Variants in CSTF1 observed in about 807,000 individuals in gnomAD.
CSTF1 encodes the protein cleavage stimulation factor subunit 1, also known as CF-1 50 kDa subunit.
CSTF1 carries 2 observed loss-of-function variants against 40.9 expected under a neutral mutation model. The observed-to-expected ratio is 0.05, with a 90% CI of 0.02 to 0.15. The LOEUF (loss-of-function observed/expected upper bound fraction) is 0.15, where lower values mean the gene tolerates loss of function less well. Among genes scored for constraint, CSTF1 ranks in the 10% least tolerant of loss-of-function variants. The pLI is 1.00. For synonymous variants in CSTF1, 218 were observed against 207.2 expected (o/e 1.05, Z -0.45); for missense variants, 279 against 558.9 (o/e 0.50, Z 5.05).
In CSTF1 at chr20:56,405,182, A is replaced by G; in HGVS notation, c.*1455A>G. On this transcript the variant is annotated 3_prime_UTR_variant, in exon 6 of 6. Transcript: ENST00000217109. Reference sequence around the variant, plus strand: ...GAAGTAAAAGTCATTGCTTTATATTATAGGAAGTTTTGTTTTGTTTTGTTT... The same window carrying G: ...GAAGTAAAAGTCATTGCTTTATATTGTAGGAAGTTTTGTTTTGTTTTGTTT... 6.6e-6 allele frequency: 1 copy of G among 152,030 alleles called. No homozygotes were observed. Among genetic ancestry groups the G allele is most frequent in the Non-Finnish European group, 1.5e-5 (1 of 68,016 alleles). The allele number at this position is 152,030 out of a possible 1,614,324, so 9.4% of individuals were successfully genotyped here. A position where few individuals can be genotyped will look rare whatever the true frequency, so the allele number is the denominator to read the frequency against.
In CSTF1 at chr20:56,403,874, T is replaced by C; in HGVS notation, c.*147T>C. Reference sequence around the variant, plus strand: ...CTTCTTGGATTTGTATAAAAGAATCTTTTTTTACCTTGATGTAGAATCATG... The same window carrying C: ...CTTCTTGGATTTGTATAAAAGAATCCTTTTTTACCTTGATGTAGAATCATG... On this transcript the variant is annotated 3_prime_UTR_variant, in exon 6 of 6. Coordinates refer to ENST00000217109, the MANE Select transcript of CSTF1 (RefSeq NM_001324.3). 1.2e-6 allele frequency: 1 copy of C among 806,356 alleles called. No homozygotes were observed. Among genetic ancestry groups the C allele is most frequent in the South Asian group, 1.8e-5 (1 of 54,656 alleles). The allele number at this position is 806,356 out of a possible 1,614,324, so 50.0% of individuals were successfully genotyped here.
intron 2 of CSTF1, among the ~76,000 whole-genome samples, chr20:56,396,614 T>C (rs1472738951): frequency 6.6e-6 from 1 of 152,174 alleles, no homozygotes; most frequent in East Asian, 1.9e-4. Flanking sequence ...TAACAGTTAT[T>C]ATCTCTGGGT....
chr20:56,395,493 C>T, intron 1 of CSTF1, 28 bp from the exon 2 acceptor site: 1 of 1,500,714 alleles, frequency 6.7e-7, no homozygotes. Context: ...AGCCTGTACC[C>T]TTCACCGTCC....
chr20:56,395,316 T>C (rs548988058), intron 1 of CSTF1, among the ~76,000 whole-genome samples: 4 of 152,348 alleles, frequency 2.6e-5, no homozygotes, highest in African/African-American at 9.6e-5. Flanking sequence ...CTCAGGGCTT[T>C]ATATGCACCA....
chr20:56,398,306 T>C (rs1161173700), intron 4 of CSTF1, among the ~76,000 whole-genome samples: 2 of 152,220 alleles, frequency 1.3e-5, no homozygotes, highest in African/African-American at 2.4e-5. Context: ...CAGTGGCTCA[T>C]GTCTGTAATC....
intron 5 of CSTF1, among the ~76,000 whole-genome samples, chr20:56,401,149 A>G (rs1978433184): frequency 6.6e-6 from 1 of 152,240 alleles, no homozygotes; most frequent in South Asian, 2.1e-4. Context: ...TAAAAACAAT[A>G]TAAATAACAT....
rs1219969089 is a variant in CSTF1, at chr20:56,405,679, T to A, written c.*1952T>A. On this transcript the variant is annotated 3_prime_UTR_variant, in exon 6 of 6. Coordinates refer to ENST00000217109, the MANE Select transcript of CSTF1 (RefSeq NM_001324.3). Reference sequence around the variant, plus strand: ...CATATTTTTTGATGCATATTTCCAGTTGAATTCCAGTGTGAATTTCCAGTT... The same window carrying A: ...CATATTTTTTGATGCATATTTCCAGATGAATTCCAGTGTGAATTTCCAGTT... 1 of 152,266 alleles carries A rather than the reference T, an allele frequency of 6.6e-6. No homozygotes were observed. Among genetic ancestry groups the A allele is most frequent in the Non-Finnish European group, 1.5e-5 (1 of 68,046 alleles). The allele number at this position is 152,266 out of a possible 1,614,324, so 9.4% of individuals were successfully genotyped here.
chr20:56,404,337 A>G lies in CSTF1; in HGVS notation c.*610A>G, dbSNP rs989955901. 1 of 152,250 alleles carries G rather than the reference A, an allele frequency of 6.6e-6. No individual in the cohort carries two copies. The highest frequency in any genetic ancestry group is 1.5e-5 in the Non-Finnish European group (1 of 68,106). 9.4% of individuals were successfully genotyped at this position (152,250 alleles called of 1,614,324 possible). Reference sequence around the variant, plus strand: ...ATTTATAGGAACAGTATCTTTCAACATACTCCCTACATTATCCTTCAATAT... The same window carrying G: ...ATTTATAGGAACAGTATCTTTCAACGTACTCCCTACATTATCCTTCAATAT... On this transcript the variant is annotated 3_prime_UTR_variant, in exon 6 of 6. Coordinates refer to ENST00000217109, the MANE Select transcript of CSTF1 (RefSeq NM_001324.3).
chr20:56,398,813 T>A (rs1978335523), intron 4 of CSTF1, among the ~76,000 whole-genome samples, 154 bp from the exon 5 acceptor site: 1 of 152,226 alleles, frequency 6.6e-6, no homozygotes, highest in Non-Finnish European at 1.5e-5. Flanking sequence ...AATACTTTCA[T>A]ATGTTCCAGA....
intron 1 of CSTF1, among the ~76,000 whole-genome samples, chr20:56,394,318 G>A (rs568881834): frequency 5.3e-4 from 80 of 152,168 alleles, no homozygotes; most frequent in Non-Finnish European, 1.1e-3. Flanking sequence ...AGGCGCAGTG[G>A]CTCGCGCCCG....
At chr20:56,401,807 A>G (rs1349274373) in intron 5 of CSTF1, among the ~76,000 whole-genome samples, 3 of 152,190 alleles carry the variant, frequency 2.0e-5, no homozygotes, top group Non-Finnish European at 4.4e-5. Flanking sequence ...CTTATGGGGT[A>G]GGTTCTGTAA....
At position 56,404,809 on chromosome 20, in the gene CSTF1, C is replaced by G. The variant is rs142136389; in HGVS notation, c.*1082C>G. On this transcript the variant is annotated 3_prime_UTR_variant, in exon 6 of 6. Coordinates refer to ENST00000217109, the MANE Select transcript of CSTF1 (RefSeq NM_001324.3). ...TACAGGCACCCACCACCACGCCCGG[C>G]TAATTTTTTTTTTTTTTTTTTTTTT... is the stretch of plus-strand genomic sequence containing the variant. 4 of 73,990 alleles carry G rather than the reference C, an allele frequency of 5.4e-5. No homozygotes were observed. Among genetic ancestry groups the G allele is most frequent in the Admixed American group, 4.7e-4 (3 of 6,428 alleles). 4.6% of individuals were successfully genotyped at this position (73,990 alleles called of 1,614,324 possible).
chr20:56,395,397 G>A (rs1465866934), intron 1 of CSTF1, 124 bp from the exon 2 acceptor site: 1 of 586,902 alleles, frequency 1.7e-6, no homozygotes, highest in Non-Finnish European at 2.9e-6. Context: ...ACTGACCAAA[G>A]ATAATGCAGC....
At position 56,397,243 on chromosome 20, in the gene CSTF1, T is replaced by C. The variant is rs1348166733; in HGVS notation, c.206T>C (p.Ile69Thr). Residue 69 changes from isoleucine to threonine, a missense_variant, in exon 3 of 6, where the codon ATT becomes ACT. Transcript: ENST00000217109. This position sits in a 1 kb window ranked among gnomAD's most constrained non-coding sequence, Gnocchi z 4.4. ...ENDDTAVQYA[I>T]GRSDTVAPGT... The stretch of plus-strand genomic sequence containing the variant: ...GATGACACCGCAGTTCAGTATGCAA[T>C]TGGTCGTTCAGATACTGTTGCCCCT... The C allele has an allele frequency of 6.2e-7, 1 of 1,614,084 alleles. No individual in the cohort carries two copies. Among genetic ancestry groups the C allele is most frequent in the Non-Finnish European group, 8.5e-7 (1 of 1,180,038 alleles).
rs752969917 is a variant in CSTF1 at position 56,404,101 on chromosome 20, C to G, written c.*374C>G. 40 of 185,822 alleles carry G rather than the reference C, an allele frequency of 2.2e-4. No individual in the cohort carries two copies. The Middle Eastern group carries it at 7.2e-3, about 33-fold the overall frequency. The allele number at this position is 185,822 out of a possible 1,614,324, so 11.5% of individuals were successfully genotyped here. A position where few individuals can be genotyped will look rare whatever the true frequency, so the allele number is the denominator to read the frequency against. Reference sequence around the variant, plus strand: ...ACTTTCTTGCTTATTCTGCTGAACCCTCTGTGTATTTCCCTTCCAGGTATA... The same window carrying G: ...ACTTTCTTGCTTATTCTGCTGAACCGTCTGTGTATTTCCCTTCCAGGTATA... On this transcript the variant is annotated 3_prime_UTR_variant, in exon 6 of 6. Coordinates refer to ENST00000217109, the MANE Select transcript of CSTF1 (RefSeq NM_001324.3).
chr20:56,395,655 A>G lies in CSTF1; in HGVS notation c.103A>G (p.Ile35Val), dbSNP rs1482812009. The change falls in exon 2 of 6, where the codon ATC becomes GTC. Residue 35 changes from isoleucine to valine, a missense_variant. Ile to Val is a conservative substitution (Grantham distance 29, BLOSUM62 3). This residue lies in a region of CSTF1 where 51 missense variants were observed against 55.0 expected (regional missense o/e 0.93). Transcript: ENST00000217109. ...DGYISIANGLINEIKPQSVCA... is the reference protein window; with the variant it reads ...DGYISIANGLVNEIKPQSVCA... Reference sequence around the variant, plus strand: ...CTACATCAGCATCGCCAATGGCCTCATCAATGAAATCAAGCCTCAGTCTGT... The same window carrying G: ...CTACATCAGCATCGCCAATGGCCTCGTCAATGAAATCAAGCCTCAGTCTGT... 1.9e-6 allele frequency: 3 copies of G among 1,614,062 alleles called. No individual in the cohort carries two copies. The highest frequency in any genetic ancestry group is 2.5e-6 in the Non-Finnish European group (3 of 1,180,030).
intron 5 of CSTF1, among the ~76,000 whole-genome samples, chr20:56,402,915 CAGAGTG>C (rs1338569425): frequency 6.9e-6 from 1 of 144,082 alleles, no homozygotes; most frequent in East Asian, 2.0e-4. Context: ...AGCCTGGCGA[CAGAGTG>C]AGACTCTGTC....
chr20:56,393,415 A>G (rs546088109), intron 1 of CSTF1, among the ~76,000 whole-genome samples: 1 of 152,282 alleles, frequency 6.6e-6, no homozygotes, highest in East Asian at 1.9e-4. Context: ...CAACGTTAAC[A>G]GTAGAATCTC....
At chr20:56,394,648 C>T (rs1987465297) in intron 1 of CSTF1, among the ~76,000 whole-genome samples, 1 of 152,260 alleles carries the variant, frequency 6.6e-6, no homozygotes, top group Non-Finnish European at 1.5e-5. Flanking sequence ...TCCCCAGACA[C>T]CTGTAGCCTT....
Sources: gnomAD v4.1 joint callset for allele counts (sites outside exome capture counted in the v4.1 genomes callset) on GRCh38, gnomAD v4.1.1 for gene constraint, gnomAD v4.1.1 regional missense constraint, Gnocchi (gnomAD v3.1) non-coding constraint, MANE v1.5 for transcripts, NCBI Gene and HGNC (gene_info 2026-07-23, HGNC 2026-07-21) for gene names.